CNKSR3: variants seen among roughly 807,000 people sequenced by gnomAD.
CNKSR3 encodes the protein CNKSR family member 3.
CNKSR3 carries 36 observed loss-of-function variants against 67.7 expected under a neutral mutation model. The observed-to-expected ratio is 0.53, with a 90% CI of 0.41 to 0.70. CNKSR3 has a LOEUF of 0.70. Among genes scored for constraint, CNKSR3 ranks in the 30% least tolerant of loss-of-function variants. CNKSR3 has a pLI of 0.00. For missense variants in CNKSR3, 630 were observed against 695.2 expected (o/e 0.91, Z 1.05); for synonymous variants, 281 against 271.4 (o/e 1.04, Z -0.35).
In CNKSR3 at chr6:154,414,384, T is replaced by A; in HGVS notation, c.985A>T (p.Thr329Ser). ...PPATTQSPESTMDTSLKKEKS... is the reference protein window; with the variant it reads ...PPATTQSPESSMDTSLKKEKS... ...TCCTTCTTCAGTGAGGTATCCATAG[T>A]GCTTTCAGGGGACTGGGTTGTCGCG... is the stretch of plus-strand genomic sequence containing the variant. Residue 329 changes from threonine to serine, a missense_variant, in exon 10 of 13, where the codon ACT (threonine) becomes TCT (serine). Physicochemically the swap from Thr to Ser is moderately conservative, Grantham distance 58 (BLOSUM62 1). This residue lies in a region of CNKSR3 where 308 missense variants were observed against 299.6 expected (regional missense o/e 1.03). Transcript: ENST00000607772. 6.8e-6 allele frequency: 11 copies of A among 1,609,584 alleles called. No homozygotes were observed. Among genetic ancestry groups the A allele is most frequent in the Non-Finnish European group, 9.3e-6 (11 of 1,178,666 alleles).
chr6:154,501,912 G>A (rs116868874), intron 1 of CNKSR3, among the ~76,000 whole-genome samples: 1,768 of 152,142 alleles, frequency 0.012, 13 homozygotes, highest in Middle Eastern at 0.024. Context: ...GACCGAAGAC[G>A]GACTTGATTT....
intron 1 of CNKSR3, among the ~76,000 whole-genome samples, chr6:154,490,739 T>C (rs1009084535): frequency 1.8e-4 from 27 of 150,476 alleles, no homozygotes; most frequent in African/African-American, 4.6e-4. Flanking sequence ...TGGCTGACAA[T>C]GTCAAAATGC....
intron 9 of CNKSR3, among the ~76,000 whole-genome samples, chr6:154,420,667 C>T (rs941668358): frequency 2.6e-5 from 3 of 115,432 alleles, no homozygotes; most frequent in Non-Finnish European, 5.0e-5. Context: ...CCAGCCTGGG[C>T]GACAGAGCGA....
chr6:154,423,039 G>T, intron 7 of CNKSR3, 56 bp from the exon 8 acceptor site: 1 of 1,166,790 alleles, frequency 8.6e-7, no homozygotes, highest in African/African-American at 1.6e-5. Flanking sequence ...ATTTCTTTCT[G>T]CTTTTATTTC....
intron 10 of CNKSR3, among the ~76,000 whole-genome samples, chr6:154,411,633 C>CAA (rs57943019): frequency 0.029 from 3,016 of 103,090 alleles, 54 homozygotes; most frequent in Non-Finnish European, 0.043. Flanking sequence ...GACTCCATCT[C>CAA]AAAAAAAAAA....
chr6:154,453,454 T>C (rs979575363), intron 1 of CNKSR3, among the ~76,000 whole-genome samples: 1 of 152,182 alleles, frequency 6.6e-6, no homozygotes, highest in African/African-American at 2.4e-5. Context: ...TCCTTGAGGA[T>C]TATGAGAGAA....
At position 154,398,242 on chromosome 6, in the gene CNKSR3, T is replaced by C. The variant is rs1221509187; in HGVS notation, c.*8112A>G. ...CATGAAAGTCCTTCCAGAAACAACA[T>C]TCAGGATGACGGCATCAGTGTTAGC... On this transcript the variant is annotated 3_prime_UTR_variant, in exon 13 of 13. Coordinates refer to ENST00000607772, the MANE Select transcript of CNKSR3 (RefSeq NM_173515.4). 2 of 152,208 alleles carry C rather than the reference T, an allele frequency of 1.3e-5. No homozygotes were observed. The highest frequency in any genetic ancestry group is 2.4e-5 in the African/African-American group (1 of 41,450). 9.4% of individuals were successfully genotyped at this position (152,208 alleles called of 1,614,324 possible).
chr6:154,417,442 G>T (rs1430871333), intron 9 of CNKSR3, among the ~76,000 whole-genome samples: 2 of 152,148 alleles, frequency 1.3e-5, no homozygotes, highest in African/African-American at 2.4e-5. Flanking sequence ...AGCATTCTTA[G>T]TCTTTCTTTC....
intron 1 of CNKSR3, among the ~76,000 whole-genome samples, chr6:154,498,550 G>A (rs1437409164): frequency 6.6e-6 from 1 of 152,086 alleles, no homozygotes; most frequent in South Asian, 2.1e-4. Flanking sequence ...CTACTGTCAC[G>A]CCCCCACACT....
Position 154,397,514 on chromosome 6 carries a change from T to C in CNKSR3, c.*8840A>G, listed in dbSNP as rs1164653941. 1.3e-5 allele frequency: 2 copies of C among 152,262 alleles called. No homozygotes were observed. The allele number at this position is 152,262 out of a possible 1,614,324, so 9.4% of individuals were successfully genotyped here. On this transcript the variant is annotated 3_prime_UTR_variant, in exon 13 of 13. Transcript: ENST00000607772. Reference sequence around the variant, plus strand: ...AACACAAACAATATAAAATGCCAATTTAACCAATCCACCATGCTTGTTTTT... The same window carrying C: ...AACACAAACAATATAAAATGCCAATCTAACCAATCCACCATGCTTGTTTTT...
rs146307807 is a variant in CNKSR3, at chr6:154,406,465, G to A, written c.1557C>T (p.Phe519=). The change falls in exon 13 of 13, where the codon TTC becomes TTT. Residue 519 remains phenylalanine, a synonymous_variant. Coordinates refer to ENST00000607772, the MANE Select transcript of CNKSR3 (RefSeq NM_173515.4). ...ATTTCTTTTTGGTCCCTTCCTCCTG[G>A]AATGGAATCGTGGCGCTGCTGTGGA... ...SDLHSSATIP[F]QEEGTKKKSG... 6.2e-7 allele frequency: 1 copy of A among 1,614,062 alleles called. No homozygotes were observed. Among genetic ancestry groups the A allele is most frequent in the African/African-American group, 1.3e-5 (1 of 74,888 alleles).
At chr6:154,451,916 G>A (rs572525081) in intron 1 of CNKSR3, among the ~76,000 whole-genome samples, 7 of 152,240 alleles carry the variant, frequency 4.6e-5, no homozygotes, top group East Asian at 1.9e-4. Context: ...ACCCAGCTCC[G>A]CTCTGACAGC....
intron 1 of CNKSR3, among the ~76,000 whole-genome samples, chr6:154,502,195 CTT>C (rs34790675): frequency 6.3e-5 from 9 of 143,914 alleles, no homozygotes; most frequent in Admixed American, 6.9e-5. Context: ...TATATTTCTT[CTT>C]TTTTTTTTTT....
intron 9 of CNKSR3, among the ~76,000 whole-genome samples, chr6:154,417,438 C>G (rs1785046206): frequency 6.6e-6 from 1 of 152,184 alleles, no homozygotes; most frequent in African/African-American, 2.4e-5. Context: ...CTCCAGCATT[C>G]TTAGTCTTTC....
chr6:154,406,263 A>T lies in CNKSR3; in HGVS notation c.*91T>A. 1 of 1,229,610 alleles carries T rather than the reference A, an allele frequency of 8.1e-7. No homozygotes were observed. Among genetic ancestry groups the T allele is most frequent in the Non-Finnish European group, 1.1e-6 (1 of 885,184 alleles). 76.2% of individuals were successfully genotyped at this position (1,229,610 alleles called of 1,614,324 possible). On this transcript the variant is annotated 3_prime_UTR_variant, in exon 13 of 13. Coordinates refer to ENST00000607772, the MANE Select transcript of CNKSR3 (RefSeq NM_173515.4). ...AAGAAATTGCATAAGGTCCCTACATAATACTGAGGCTGAAACGAGAAGAGG... is the reference window on the plus strand; with the variant it reads ...AAGAAATTGCATAAGGTCCCTACATTATACTGAGGCTGAAACGAGAAGAGG...
chr6:154,468,639 C>T (rs1786261034), intron 1 of CNKSR3, among the ~76,000 whole-genome samples: 1 of 152,056 alleles, frequency 6.6e-6, no homozygotes, highest in Non-Finnish European at 1.5e-5. Flanking sequence ...GTATCTTCTC[C>T]ACCTCCTAGA....
chr6:154,417,676 G>A (rs1382651405), intron 9 of CNKSR3, among the ~76,000 whole-genome samples: 1 of 152,138 alleles, frequency 6.6e-6, no homozygotes, highest in Non-Finnish European at 1.5e-5. Flanking sequence ...GAAGTCATTA[G>A]GGTGGGCTCA....
rs139010428 is a variant in CNKSR3 at position 154,501,318 on chromosome 6, CT to C, written c.52+8744del. Among the ~76,000 whole-genome samples, 272 of 152,322 alleles carry C rather than the reference CT, an allele frequency of 1.8e-3. 1 individual carries two copies. Among genetic ancestry groups the C allele is most frequent in the African/African-American group, 6.3e-3 (263 of 41,578 alleles). On this transcript the variant is annotated intron_variant, in intron 1 of 12. Transcript: ENST00000607772. ...ATTCATTTCTGCTCAAAAACCCTGACTGATCTTTCAACACACAGATCAAATA... is the reference window on the plus strand; with the variant it reads ...ATTCATTTCTGCTCAAAAACCCTGACGATCTTTCAACACACAGATCAAATA...
rs1784715432 is a variant in CNKSR3 at position 154,401,310 on chromosome 6, T to C, written c.*5044A>G. 6.6e-6 allele frequency: 1 copy of C among 152,180 alleles called. No homozygotes were observed. The highest frequency in any genetic ancestry group is 1.5e-5 in the Non-Finnish European group (1 of 68,054). 9.4% of individuals were successfully genotyped at this position (152,180 alleles called of 1,614,324 possible). On this transcript the variant is annotated 3_prime_UTR_variant, in exon 13 of 13. Transcript: ENST00000607772. ...CTGAGGGTGGAGCCCTCATGAATAT[T>C]AGCGCCCTCACAAGAAGGGAAAGGA...
Sources: allele counts gnomAD v4.1 joint callset (sites outside exome capture counted in the v4.1 genomes callset), GRCh38; gene constraint gnomAD v4.1.1; regional missense constraint gnomAD v4.1.1; transcripts MANE v1.5; gene names NCBI Gene and HGNC (gene_info 2026-07-23, HGNC 2026-07-21).